GNAQ: variants seen among roughly 807,000 people sequenced by gnomAD.
GNAQ encodes G protein subunit alpha q.
Under a neutral mutation model 43.9 loss-of-function variants are expected in GNAQ, and 8 were observed. The ratio of observed to expected loss-of-function variants is 0.18; its 90% CI spans 0.11 to 0.33. The LOEUF is 0.33. GNAQ is among the 10% of genes least tolerant of loss of function. The pLI, the probability that GNAQ is intolerant of heterozygous loss-of-function variation, is 1.00. For missense variants in GNAQ, 158 were observed against 450.8 expected (o/e 0.35, Z 5.88); for synonymous variants, 155 against 170.7 (o/e 0.91, Z 0.71).
At chr9:77,727,407 G>A (rs2118212992) in intron 6 of GNAQ, among the ~76,000 whole-genome samples, 1 of 152,332 alleles carries the variant, frequency 6.6e-6, no homozygotes, top group South Asian at 2.1e-4. Flanking sequence ...ATCACCAAGT[G>A]TTCAAGTGTT....
chr9:77,915,116 G>A (rs936209641), intron 2 of GNAQ, among the ~76,000 whole-genome samples: 1 of 152,202 alleles, frequency 6.6e-6, no homozygotes, highest in Non-Finnish European at 1.5e-5. Flanking sequence ...AAGAATTTTA[G>A]AGGTTGTCTA....
chr9:77,747,958 T>C (rs560619223), intron 5 of GNAQ, among the ~76,000 whole-genome samples: 3 of 152,274 alleles, frequency 2.0e-5, no homozygotes, highest in South Asian at 4.1e-4. Context: ...ATGGTGTCAA[T>C]TGGTGACATC....
chr9:77,981,990 G>T (rs1458940387), intron 1 of GNAQ, among the ~76,000 whole-genome samples: 1 of 152,106 alleles, frequency 6.6e-6, no homozygotes, highest in Admixed American at 6.6e-5. Context: ...CTGTGTTTAG[G>T]TTCCTGAGGT....
chr9:77,870,463 C>T (rs1490954988), intron 2 of GNAQ, among the ~76,000 whole-genome samples: 1 of 151,410 alleles, frequency 6.6e-6, no homozygotes, highest in African/African-American at 2.4e-5. Context: ...GTAGCTGGGA[C>T]TACAGGCGCC....
At chr9:77,811,894 A>G (rs1189519419) in intron 3 of GNAQ, among the ~76,000 whole-genome samples, 1 of 152,152 alleles carries the variant, frequency 6.6e-6, no homozygotes, top group East Asian at 1.9e-4. Flanking sequence ...TGGCAGGAAT[A>G]AACTGATTCT....
intron 5 of GNAQ, among the ~76,000 whole-genome samples, chr9:77,750,076 G>T (rs1825789641): frequency 6.6e-6 from 1 of 151,734 alleles, no homozygotes; most frequent in Admixed American, 6.6e-5. Context: ...CAGATGTGCT[G>T]ATTGGCAAAG....
intron 1 of GNAQ, among the ~76,000 whole-genome samples, chr9:77,999,954 AG>A (rs1371438636): frequency 6.6e-6 from 1 of 152,228 alleles, no homozygotes; most frequent in Non-Finnish European, 1.5e-5. Context: ...GAGCCAAAAC[AG>A]GTTAATTTCT....
At chr9:77,948,396 A>C (rs1822931287) in intron 1 of GNAQ, among the ~76,000 whole-genome samples, 1 of 152,222 alleles carries the variant, frequency 6.6e-6, no homozygotes, top group South Asian at 2.1e-4. Flanking sequence ...CATCAGCCAG[A>C]GATGGCCTTT....
intron 5 of GNAQ, among the ~76,000 whole-genome samples, chr9:77,775,874 G>A (rs956269912): frequency 6.6e-6 from 1 of 152,074 alleles, no homozygotes; most frequent in African/African-American, 2.4e-5. Flanking sequence ...GCAGTGAGCC[G>A]AGAATGTGCC....
At chr9:77,970,343 G>C (rs542977966) in intron 1 of GNAQ, among the ~76,000 whole-genome samples, 1 of 152,226 alleles carries the variant, frequency 6.6e-6, no homozygotes, top group Non-Finnish European at 1.5e-5. Context: ...ATCTGCCCTG[G>C]ACACAAGTTT....
chr9:77,827,383 T>TC (rs1491391303), intron 2 of GNAQ, among the ~76,000 whole-genome samples: 1,981 of 129,144 alleles, frequency 0.015, 33 homozygotes, highest in African/African-American at 0.053. Context: ...TTTAAATAAC[T>TC]AAAAAAAAAA....
chr9:77,783,428 C>G (rs1826427839), intron 5 of GNAQ, among the ~76,000 whole-genome samples: 1 of 152,148 alleles, frequency 6.6e-6, no homozygotes, highest in African/African-American at 2.4e-5. Flanking sequence ...GAATATATCT[C>G]AATAAGCCGT....
intron 1 of GNAQ, among the ~76,000 whole-genome samples, chr9:77,942,022 G>A (rs1829323347): frequency 6.6e-6 from 1 of 151,884 alleles, no homozygotes; most frequent in South Asian, 2.1e-4. Context: ...CTGGGTGGTA[G>A]GATGAGTAAC....
intron 2 of GNAQ, among the ~76,000 whole-genome samples, chr9:77,818,849 A>T (rs1292669004): frequency 6.6e-6 from 1 of 151,782 alleles, no homozygotes; most frequent in Non-Finnish European, 1.5e-5. Flanking sequence ...AAAACAGAAA[A>T]ATTAGCTGAG....
At chr9:77,914,915 G>A (rs1343737563) in intron 2 of GNAQ, among the ~76,000 whole-genome samples, 1 of 151,482 alleles carries the variant, frequency 6.6e-6, no homozygotes, top group Non-Finnish European at 1.5e-5. Flanking sequence ...TCTCTATTGG[G>A]CTGGAGACCA....
At chr9:77,761,246 G>A (rs1472320637) in intron 5 of GNAQ, among the ~76,000 whole-genome samples, 2 of 138,582 alleles carry the variant, frequency 1.4e-5, no homozygotes, top group African/African-American at 2.8e-5. Context: ...CCCTCTGCCC[G>A]GCCAGCCACC....
rs201356086 is a variant in GNAQ at position 77,957,355 on chromosome 9, C to CA, written c.137-35011dup. ...CAGGCGACAGTGCAAGACTCAGTCT[C>CA]AAAAAAAAACAAAAAAACAAAAACA... On this transcript the variant is annotated intron_variant, in intron 1 of 6. Transcript: ENST00000286548. 1.8e-3 allele frequency among the ~76,000 whole-genome samples: 258 copies of CA among 146,384 alleles called. 3 individuals are homozygous for CA. Among genetic ancestry groups the CA allele is most frequent in the East Asian group, 0.012 (62 of 4,986 alleles).
At chr9:78,000,922 A>C (rs1296803728) in intron 1 of GNAQ, among the ~76,000 whole-genome samples, 1 of 152,236 alleles carries the variant, frequency 6.6e-6, no homozygotes, top group African/African-American at 2.4e-5. Context: ...GCACCAACCA[A>C]TCACAATAAA....
chr9:77,843,406 T>G (rs549608139), intron 2 of GNAQ, among the ~76,000 whole-genome samples: 1 of 152,348 alleles, frequency 6.6e-6, no homozygotes, highest in Admixed American at 6.5e-5. Flanking sequence ...GGCCTGGTTT[T>G]ACTGGTCAAG....
Sources: gnomAD v4.1 joint callset for allele counts (sites outside exome capture counted in the v4.1 genomes callset) on GRCh38, gnomAD v4.1.1 for gene constraint, MANE v1.5 for transcripts, NCBI Gene and HGNC (gene_info 2026-07-23, HGNC 2026-07-21) for gene names.